SAXO2: variants seen among roughly 807,000 people sequenced by gnomAD.
SAXO2 encodes the protein family with sequence similarity 154, member B.
In SAXO2, 17 loss-of-function variants were observed where a neutral mutation model predicts 18.7. The ratio of observed to expected loss-of-function variants is 0.91; its 90% CI spans 0.62 to 1.36. The LOEUF is 1.36. SAXO2 is among the 40% of genes most tolerant of loss of function. SAXO2 has a pLI of 0.00. For missense variants in SAXO2, 486 were observed against 562.6 expected, an observed-to-expected ratio of 0.86 and a Z score of 1.38; for synonymous variants, 163 against 181.2, an observed-to-expected ratio of 0.90 and a Z score of 0.81.
intron 3 of SAXO2, 192 bp downstream of exon 3, chr15:82,271,994 G>A: frequency 3.8e-6 from 2 of 520,688 alleles, no homozygotes; most frequent in Admixed American, 3.7e-5. Context: ...CTGATTGAGT[G>A]GTAAAAGACC....
chr15:82,273,728 G>A (rs58303451), intron 3 of SAXO2, among the ~76,000 whole-genome samples: 10,485 of 151,964 alleles, frequency 0.069, 606 homozygotes, highest in African/African-American at 0.13. Context: ...TGATGAAAAT[G>A]AATTTGTTCT....
chr15:82,283,076 C>A lies in SAXO2; in HGVS notation c.*14C>A. 6.4e-7 allele frequency: 1 copy of A among 1,554,740 alleles called. No individual in the cohort carries two copies. Among genetic ancestry groups the A allele is most frequent in the Admixed American group, 1.9e-5 (1 of 51,386 alleles). ...AAGGCCTTCTAATAACCAAAATGTGCTTAAAAGGAAGGTACTAGCAAGTTG... is the reference window on the plus strand; with the variant it reads ...AAGGCCTTCTAATAACCAAAATGTGATTAAAAGGAAGGTACTAGCAAGTTG... On this transcript the variant is annotated 3_prime_UTR_variant, in exon 4 of 4. Transcript: ENST00000682753.
intron 3 of SAXO2, among the ~76,000 whole-genome samples, chr15:82,277,556 T>C (rs1374741146): frequency 1.3e-5 from 2 of 152,202 alleles, no homozygotes; most frequent in African/African-American, 4.8e-5. Context: ...TCAGATTCTG[T>C]GTAGGATGCA....
Position 82,262,996 on chromosome 15 carries a change from G to A in SAXO2, c.53+64G>A, listed in dbSNP as rs955094736. 19 of 1,560,316 alleles carry A rather than the reference G, an allele frequency of 1.2e-5. No individual in the cohort carries two copies. In the African/African-American group the frequency reaches 1.9e-4, roughly 16 times the overall value. ...GAGCCGACCTAGGGCCTAGGTGCAC[G>A]GAGCCGGCTCCTCGGGAACCCTGAG... is the stretch of plus-strand genomic sequence containing the variant. On this transcript the variant is annotated intron_variant, in intron 1 of 3. Coordinates refer to ENST00000682753, the MANE Select transcript of SAXO2 (RefSeq NM_001348699.2).
rs1365931930 is a variant in SAXO2 at position 82,282,969 on chromosome 15, C to T, written c.1284C>T (p.Ser428=). 8.7e-6 allele frequency: 14 copies of T among 1,614,004 alleles called. No homozygotes were observed. In the South Asian group the frequency reaches 9.9e-5, roughly 11 times the overall value. ...AAAGACAGGAAATTTGCCCAGCCAG[C>T]TATCCCTCTCCTCCAGGTTATATTT... ...TPKRQEICPA[S]YPSPPGYIFD... is the part of the protein sequence containing the mutation. The change falls in exon 4 of 4, where the codon AGC becomes AGT. Residue 428 remains serine, a synonymous_variant. Coordinates refer to ENST00000682753, the MANE Select transcript of SAXO2 (RefSeq NM_001348699.2).
In SAXO2 at chr15:82,276,686, G is replaced by C. The variant is rs565897660; in HGVS notation, c.433+4884G>C. 2.0e-5 allele frequency among the ~76,000 whole-genome samples: 3 copies of C among 152,068 alleles called. No individual in the cohort carries two copies. The South Asian group carries it at 6.2e-4, about 32-fold the overall frequency. On this transcript the variant is annotated intron_variant, in intron 3 of 3. Coordinates refer to ENST00000682753, the MANE Select transcript of SAXO2 (RefSeq NM_001348699.2). ...AGAAGGATGAAACCATATGCAGAAG[G>C]TGCAAGAAGGATCTAGAATTTTAAA...
intron 3 of SAXO2, among the ~76,000 whole-genome samples, chr15:82,276,204 T>C (rs1039067709): frequency 2.0e-5 from 3 of 152,024 alleles, no homozygotes; most frequent in Non-Finnish European, 4.4e-5. Context: ...AGGTGAAAGA[T>C]CTCTACATGG....
rs1262103354 is a variant in SAXO2, at chr15:82,284,042, GTGTCTTTATT to G, written c.*984_*993del. On this transcript the variant is annotated 3_prime_UTR_variant, in exon 4 of 4. Transcript: ENST00000682753. ...CAGTGACTCATATCTCTGAGCCTCAGTGTCTTTATTTGTAAAATGATGTCTGTTCTCAAAA... is the reference window on the plus strand; with the variant it reads ...CAGTGACTCATATCTCTGAGCCTCAGTGTAAAATGATGTCTGTTCTCAAAA... 6.6e-6 allele frequency: 1 copy of G among 152,204 alleles called. No homozygotes were observed. The highest frequency in any genetic ancestry group is 2.4e-5 in the African/African-American group (1 of 41,438). 9.4% of individuals were successfully genotyped at this position (152,204 alleles called of 1,614,324 possible).
At chr15:82,280,187 T>C (rs2075351082) in intron 3 of SAXO2, among the ~76,000 whole-genome samples, 1 of 152,138 alleles carries the variant, frequency 6.6e-6, no homozygotes, top group Non-Finnish European at 1.5e-5. Context: ...GAAAATCAAT[T>C]TTCTGCAATT....
intron 1 of SAXO2, 57 bp downstream of exon 1, chr15:82,262,989 G>A: frequency 1.3e-6 from 2 of 1,565,956 alleles, no homozygotes; most frequent in South Asian, 1.2e-5. Context: ...CTAGGGCCTA[G>A]GTGCACGGAG....
intron 3 of SAXO2, among the ~76,000 whole-genome samples, chr15:82,274,688 C>T (rs1359760186): frequency 1.0e-4 from 15 of 144,630 alleles, no homozygotes; most frequent in African/African-American, 2.3e-4. Context: ...GGCAACAGTG[C>T]GTGACTCTGT....
intron 3 of SAXO2, among the ~76,000 whole-genome samples, chr15:82,278,866 G>T (rs542265693): frequency 8.5e-5 from 13 of 152,212 alleles, no homozygotes; most frequent in African/African-American, 3.1e-4. Context: ...TAATGAAAAT[G>T]AAAATATAGT....
Position 82,282,715 on chromosome 15 carries a change from A to G in SAXO2, c.1030A>G (p.Ile344Val), listed in dbSNP as rs2075376472. The G allele has an allele frequency of 6.2e-7, 1 of 1,614,232 alleles. No homozygotes were observed. ...SNNFPFQGKS[I>V]MKEDFPAWES... ...CAATTTTCCTTTCCAAGGAAAAAGCATCATGAAAGAAGATTTTCCAGCATG... is the reference window on the plus strand; with the variant it reads ...CAATTTTCCTTTCCAAGGAAAAAGCGTCATGAAAGAAGATTTTCCAGCATG... The change falls in exon 4 of 4, where the codon ATC (isoleucine) becomes GTC (valine). Residue 344 changes from isoleucine to valine, a missense_variant. Physicochemically the swap from Ile to Val is conservative, Grantham distance 29. Transcript: ENST00000682753.
rs1435614633 is a variant in SAXO2 at position 82,262,838 on chromosome 15, G to T, written c.-42G>T. The stretch of plus-strand genomic sequence containing the variant: ...GCCTTGACTACGGCGGGCGCTGTGG[G>T]AGTGGAGAAGCTGCAAGTGCTGAGG... On this transcript the variant is annotated 5_prime_UTR_variant, in exon 1 of 4. Coordinates refer to ENST00000682753, the MANE Select transcript of SAXO2 (RefSeq NM_001348699.2). The T allele has an allele frequency of 6.4e-7, 1 of 1,555,954 alleles. No homozygotes were observed. The highest frequency in any genetic ancestry group is 8.7e-7 in the Non-Finnish European group (1 of 1,150,092).
chr15:82,278,028 A>T (rs1430896257), intron 3 of SAXO2, among the ~76,000 whole-genome samples: 1 of 152,146 alleles, frequency 6.6e-6, no homozygotes, highest in Admixed American at 6.5e-5. Context: ...AGAAAAAAAA[A>T]AGCAGGAAGC....
intron 1 of SAXO2, chr15:82,264,528 G>C (rs2075193051): frequency 1.6e-6 from 1 of 621,562 alleles, no homozygotes; most frequent in Non-Finnish European, 2.9e-6. Flanking sequence ...ATGATATATT[G>C]GTCAAGGTTC....
intron 3 of SAXO2, among the ~76,000 whole-genome samples, chr15:82,281,423 AAC>A (rs2075361081): frequency 6.6e-6 from 1 of 151,972 alleles, no homozygotes; most frequent in South Asian, 2.1e-4. Flanking sequence ...TACAATTTCA[AAC>A]ACCTCTGAAG....
At chr15:82,272,422 G>T (rs946622185) in intron 3 of SAXO2, among the ~76,000 whole-genome samples, 1 of 152,184 alleles carries the variant, frequency 6.6e-6, no homozygotes, top group African/African-American at 2.4e-5. Flanking sequence ...GCTCCTCTAA[G>T]AATTCTGGGA....
At chr15:82,263,551 A>G in intron 1 of SAXO2, 1 of 630,146 alleles carries the variant, frequency 1.6e-6, no homozygotes, top group South Asian at 1.8e-5. Context: ...TGACCCAGGG[A>G]TTAGATCATT....
Sources: gnomAD v4.1 joint callset for allele counts (sites outside exome capture counted in the v4.1 genomes callset) on GRCh38, gnomAD v4.1.1 for gene constraint, MANE v1.5 for transcripts, NCBI Gene and HGNC (gene_info 2026-07-23, HGNC 2026-07-21) for gene names.